The following CDK2AP1 variants were observed in gnomAD, a reference collection of about 807,000 sequenced individuals.
The protein encoded by CDK2AP1 is cyclin-dependent kinase 2-associated protein 1.
CDK2AP1 carries 10 observed loss-of-function variants against 14.1 expected under a neutral mutation model. That is an observed-to-expected ratio of 0.71 (90% CI 0.44 to 1.20). The LOEUF (loss-of-function observed/expected upper bound fraction) is 1.20, where lower values mean the gene tolerates loss of function less well. CDK2AP1 is among the 50% of genes most tolerant of loss of function. CDK2AP1 has a pLI of 0.00. For synonymous variants in CDK2AP1, 59 were observed against 59.8 expected, an observed-to-expected ratio of 0.99 and a Z score of 0.06; for missense variants, 102 against 149.9, an observed-to-expected ratio of 0.68 and a Z score of 1.67.
At chr12:123,268,244 C>G (rs1429838471) in intron 1 of CDK2AP1, 1 of 985,440 alleles carries the variant, frequency 1.0e-6, no homozygotes, top group Admixed American at 6.1e-5. Context: ...CAGTGGGCGC[C>G]GCAGACTTGG....
chr12:123,271,505 C>A (rs1327977638), intron 1 of CDK2AP1, 59 bp downstream of exon 1: 1 of 960,162 alleles, frequency 1.0e-6, no homozygotes, highest in Non-Finnish European at 1.2e-6. Flanking sequence ...GGGCCGGGGC[C>A]GGGCGCGCGG....
chr12:123,267,348 GT>G (rs2048308189), intron 1 of CDK2AP1, 66 bp from the exon 2 acceptor site: 2 of 947,644 alleles, frequency 2.1e-6, no homozygotes, highest in African/African-American at 3.2e-5. Flanking sequence ...AGGACTCCGG[GT>G]CCTGCAACAG....
intron 3 of CDK2AP1, among the ~76,000 whole-genome samples, chr12:123,264,622 G>A (rs976894493): frequency 6.6e-6 from 1 of 152,014 alleles, no homozygotes; most frequent in Admixed American, 6.6e-5. Flanking sequence ...CCTATTTAAC[G>A]TCCTTTCGAA....
Position 123,261,666 on chromosome 12 carries a change from G to T in CDK2AP1, c.*70C>A. Reference sequence around the variant, plus strand: ...CATTTTGAAAACAAGGGTTTCATCTGAACAGGGGAGATGAACTGTAACTTC... The same window carrying T: ...CATTTTGAAAACAAGGGTTTCATCTTAACAGGGGAGATGAACTGTAACTTC... On this transcript the variant is annotated 3_prime_UTR_variant, in exon 4 of 4. Coordinates refer to ENST00000261692, the MANE Select transcript of CDK2AP1 (RefSeq NM_004642.4). 3.1e-6 allele frequency: 4 copies of T among 1,281,030 alleles called. No homozygotes were observed. The highest frequency in any genetic ancestry group is 2.4e-5 in the South Asian group (2 of 84,222). 79.4% of individuals were successfully genotyped at this position (1,281,030 alleles called of 1,614,324 possible).
chr12:123,266,792 G>A (rs2030401), intron 2 of CDK2AP1, among the ~76,000 whole-genome samples: 48,325 of 152,218 alleles, frequency 0.32, 9,840 homozygotes, highest in East Asian at 0.69. Flanking sequence ...TCTCTGCTGG[G>A]CCCGCGCCCG....
At chr12:123,264,854 G>GC (rs1054018446) in intron 3 of CDK2AP1, among the ~76,000 whole-genome samples, 2 of 152,136 alleles carry the variant, frequency 1.3e-5, no homozygotes, top group African/African-American at 4.8e-5. Flanking sequence ...ACCAGTGTCG[G>GC]CCCACAGGAG....
chr12:123,264,010 G>C (rs931434982), intron 3 of CDK2AP1, among the ~76,000 whole-genome samples: 1 of 152,102 alleles, frequency 6.6e-6, no homozygotes, highest in Non-Finnish European at 1.5e-5. Flanking sequence ...CGGGAGGCTT[G>C]AGGCAGGAAA....
At chr12:123,268,740 G>A (rs1047215626) in intron 1 of CDK2AP1, among the ~76,000 whole-genome samples, 12 of 152,208 alleles carry the variant, frequency 7.9e-5, no homozygotes, top group African/African-American at 2.9e-4. Context: ...TGCTTGGGAG[G>A]GGGACGCACA....
intron 3 of CDK2AP1, among the ~76,000 whole-genome samples, chr12:123,264,231 G>A (rs1457071560): frequency 6.6e-6 from 1 of 152,160 alleles, no homozygotes; most frequent in East Asian, 1.9e-4. Context: ...GGCCAAGGCA[G>A]GTGGATCACC....
chr12:123,264,060 G>T (rs1219079927), intron 3 of CDK2AP1, among the ~76,000 whole-genome samples: 2 of 150,296 alleles, frequency 1.3e-5, no homozygotes, highest in African/African-American at 4.9e-5. Flanking sequence ...AGTGGGCCGA[G>T]ATCGTGCCAC....
intron 1 of CDK2AP1, among the ~76,000 whole-genome samples, chr12:123,269,728 C>T (rs2138823930): frequency 6.6e-6 from 1 of 152,336 alleles, no homozygotes; most frequent in East Asian, 1.9e-4. Context: ...CCACTGCCAC[C>T]ACCGGCCAGG....
chr12:123,271,518 C>G, intron 1 of CDK2AP1, 46 bp downstream of exon 1: 1 of 986,102 alleles, frequency 1.0e-6, no homozygotes, highest in Non-Finnish European at 1.2e-6. Flanking sequence ...GCGCGCGGAC[C>G]CCCAACTTGG....
At chr12:123,264,420 A>G (rs2048266191) in intron 3 of CDK2AP1, among the ~76,000 whole-genome samples, 1 of 139,352 alleles carries the variant, frequency 7.2e-6, no homozygotes, top group Non-Finnish European at 1.5e-5. Flanking sequence ...AGATTGCACC[A>G]CTGCACTCCA....
Position 123,261,485 on chromosome 12 carries a change from G to A in CDK2AP1, c.*251C>T. On this transcript the variant is annotated 3_prime_UTR_variant, in exon 4 of 4. Coordinates refer to ENST00000261692, the MANE Select transcript of CDK2AP1 (RefSeq NM_004642.4). ...AGTTTGCTGTAAGATAACTTTCCGT[G>A]CATCTTTTAAATCAATGCTTAAAAA... The A allele has an allele frequency of 6.9e-6, 3 of 432,020 alleles. No individual in the cohort carries two copies. The highest frequency in any genetic ancestry group is 1.3e-5 in the Non-Finnish European group (3 of 238,702). The allele number at this position is 432,020 out of a possible 1,614,324, so 26.8% of individuals were successfully genotyped here. A position where few individuals can be genotyped will look rare whatever the true frequency, so the allele number is the denominator to read the frequency against.
rs1192559013 is a variant in CDK2AP1, at chr12:123,265,791, CA to C, written c.154-470del. Among the ~76,000 whole-genome samples the C allele has an allele frequency of 6.6e-6, 1 of 152,192 alleles. No individual in the cohort carries two copies. Among genetic ancestry groups the C allele is most frequent in the Non-Finnish European group, 1.5e-5 (1 of 68,032 alleles). ...ACAGGGGAAACAGCTCATTTTGGCACAAAAGAGTCCAAACAGCATTTCCCAG... is the reference window on the plus strand; with the variant it reads ...ACAGGGGAAACAGCTCATTTTGGCACAAAGAGTCCAAACAGCATTTCCCAG... On this transcript the variant is annotated intron_variant, in intron 2 of 3. Coordinates refer to ENST00000261692, the MANE Select transcript of CDK2AP1 (RefSeq NM_004642.4). The surrounding 1 kb of genome is among the most constrained non-coding windows in gnomAD (Gnocchi z 5.3).
At chr12:123,264,883 G>C (rs2048273688) in intron 3 of CDK2AP1, among the ~76,000 whole-genome samples, 1 of 152,086 alleles carries the variant, frequency 6.6e-6, no homozygotes, top group Admixed American at 6.5e-5. Context: ...GCAGGGTCGG[G>C]GGCAGGGGGC....
intron 3 of CDK2AP1, among the ~76,000 whole-genome samples, chr12:123,264,525 C>A (rs2048269112): frequency 7.0e-6 from 1 of 143,762 alleles, no homozygotes; most frequent in Admixed American, 7.1e-5. Context: ...TGAATGCGTT[C>A]ATGGGCTATG....
intron 1 of CDK2AP1, 79 bp downstream of exon 1, chr12:123,271,485 G>T: frequency 2.5e-6 from 2 of 815,658 alleles, no homozygotes; most frequent in South Asian, 5.4e-5. Context: ...CGGGCGCCCC[G>T]GGCATCCCCG....
chr12:123,271,117 C>G, intron 1 of CDK2AP1: 2 of 750,204 alleles, frequency 2.7e-6, no homozygotes, highest in Non-Finnish European at 3.2e-6. Context: ...GCAGCGCCCC[C>G]CGCCCGGGCT....
Sources: allele counts gnomAD v4.1 joint callset (sites outside exome capture counted in the v4.1 genomes callset), GRCh38; gene constraint gnomAD v4.1.1; non-coding constraint Gnocchi (gnomAD v3.1); transcripts MANE v1.5; gene names NCBI Gene and HGNC (gene_info 2026-07-23, HGNC 2026-07-21).